Variants in NR3C1 observed in about 807,000 individuals in gnomAD.
NR3C1 encodes the protein nuclear receptor subfamily 3 group C member 1.
In NR3C1, 14 loss-of-function variants were observed where a neutral mutation model predicts 74.0. The ratio of observed to expected loss-of-function variants is 0.19; its 90% CI spans 0.12 to 0.30. The LOEUF (loss-of-function observed/expected upper bound fraction) is 0.30. Ranked by LOEUF, NR3C1 falls within the 10% of genes least tolerant of loss-of-function variation. The pLI, the probability that NR3C1 is intolerant of heterozygous loss-of-function variation, is 1.00. For synonymous variants in NR3C1, 308 were observed against 332.5 expected (o/e 0.93, Z 0.80); for missense variants, 695 against 909.8 (o/e 0.76, Z 3.04).
At position 143,400,355 on chromosome 5, in the gene NR3C1, T is replaced by C. The variant is rs374579557; in HGVS notation, c.485A>G (p.Asp162Gly). 6.2e-7 allele frequency: 1 copy of C among 1,614,004 alleles called. No homozygotes were observed. The highest frequency in any genetic ancestry group is 8.5e-7 in the Non-Finnish European group (1 of 1,180,016). The change falls in exon 2 of 9, where the codon GAT (aspartate) becomes GGT (glycine). Residue 162 changes from aspartate (D) to glycine (G), a missense_variant. This residue lies in a region of NR3C1 where 497 missense variants were observed against 489.5 expected (regional missense o/e 1.02). Transcript: ENST00000394464. ...TEKEFPKTHS[D>G]VSSEQQHLKG... ...CAAATGTTGCTGTTCTGAAGATACA[T>C]CAGAGTGAGTTTTTGGAAACTCCTT...
intron 1 of NR3C1, among the ~76,000 whole-genome samples, chr5:143,425,278 A>G (rs1176352247): frequency 6.6e-6 from 1 of 152,202 alleles, no homozygotes; most frequent in East Asian, 1.9e-4. Flanking sequence ...GAAAGCATGT[A>G]TGTACATCAG....
intron 3 of NR3C1, among the ~76,000 whole-genome samples, chr5:143,312,961 T>C (rs1409689755): frequency 6.6e-6 from 1 of 152,202 alleles, no homozygotes; most frequent in South Asian, 2.1e-4. Context: ...CTTGTAATCT[T>C]TGTGGTGTAA....
chr5:143,370,640 G>A (rs553054060), intron 2 of NR3C1, among the ~76,000 whole-genome samples: 3 of 152,260 alleles, frequency 2.0e-5, no homozygotes, highest in South Asian at 2.1e-4. Context: ...TAGCAAGGTC[G>A]GCATTTAGCT....
At chr5:143,407,105 G>C (rs1181188101), upstream of NR3C1, 1 of 152,210 alleles carries the variant, frequency 6.6e-6, no homozygotes, top group Non-Finnish European at 1.5e-5. Flanking sequence ...TAGAAGCAGA[G>C]GTGGAAATGA....
intron 2 of NR3C1, among the ~76,000 whole-genome samples, chr5:143,370,081 G>T (rs1191121223): frequency 6.6e-6 from 1 of 152,140 alleles, no homozygotes; most frequent in Non-Finnish European, 1.5e-5. Context: ...CAGTCCTTTA[G>T]TTTAAGATAT....
At chr5:143,339,739 C>T (rs1827840935) in intron 2 of NR3C1, among the ~76,000 whole-genome samples, 1 of 152,034 alleles carries the variant, frequency 6.6e-6, no homozygotes. Context: ...GGGCTCCGGA[C>T]TAAAGGATTC....
chr5:143,340,930 T>C (rs1233378491), intron 2 of NR3C1, among the ~76,000 whole-genome samples: 5 of 152,146 alleles, frequency 3.3e-5, no homozygotes, highest in African/African-American at 4.8e-5. Context: ...ACCCAGATAT[T>C]AGGCCCAGTA....
At chr5:143,295,712 T>C (rs1817025929) in intron 6 of NR3C1, 122 bp from the exon 7 acceptor site, 2 of 771,930 alleles carry the variant, frequency 2.6e-6, no homozygotes, top group Admixed American at 3.7e-5. Flanking sequence ...TGCAATAATA[T>C]TATTGCTAAT....
At chr5:143,301,855 T>C (rs1462324406) in intron 4 of NR3C1, among the ~76,000 whole-genome samples, 4 of 152,092 alleles carry the variant, frequency 2.6e-5, no homozygotes, top group South Asian at 2.1e-4. Flanking sequence ...AGGACAGATA[T>C]GGTGGTGGGA....
intron 2 of NR3C1, among the ~76,000 whole-genome samples, chr5:143,384,385 G>A (rs1273830824): frequency 2.0e-5 from 3 of 152,108 alleles, no homozygotes; most frequent in Admixed American, 6.5e-5. Flanking sequence ...ATAGTCCCCG[G>A]AAGTCTTAAC....
At chr5:143,334,239 G>A (rs1332840526) in intron 2 of NR3C1, among the ~76,000 whole-genome samples, 3 of 151,954 alleles carry the variant, frequency 2.0e-5, no homozygotes, top group Non-Finnish European at 2.9e-5. Flanking sequence ...AAAATTAGCC[G>A]GGCATGGTGG....
intron 2 of NR3C1, among the ~76,000 whole-genome samples, chr5:143,374,847 G>C (rs925478267): frequency 1.3e-5 from 2 of 152,100 alleles, no homozygotes; most frequent in Non-Finnish European, 2.9e-5. Flanking sequence ...TTTAAGAGAA[G>C]TAATTTGTAT....
At chr5:143,337,667 T>A (rs1827404671) in intron 2 of NR3C1, among the ~76,000 whole-genome samples, 1 of 152,302 alleles carries the variant, frequency 6.6e-6, no homozygotes, top group South Asian at 2.1e-4. Context: ...AAACGACAGC[T>A]GTACACTACA....
At chr5:143,293,417 C>A (rs1816393616) in intron 7 of NR3C1, among the ~76,000 whole-genome samples, 1 of 152,142 alleles carries the variant, frequency 6.6e-6, no homozygotes, top group African/African-American at 2.4e-5. Context: ...ACATTGGGTA[C>A]AGTGTACACT....
At chr5:143,329,563 AT>A (rs1324218271) in intron 2 of NR3C1, among the ~76,000 whole-genome samples, 1 of 152,126 alleles carries the variant, frequency 6.6e-6, no homozygotes, top group Admixed American at 6.5e-5. Context: ...CTGCTGCTTT[AT>A]TTTTTTGCAC....
rs775794706 is a variant in NR3C1, at chr5:143,314,183, G to T, written c.1185-15C>A. The T allele has an allele frequency of 3.7e-6, 6 of 1,613,000 alleles. No homozygotes were observed. The South Asian group carries it at 5.5e-5, about 15-fold the overall frequency. ...TCATGCTGGGGCTAAAGAAGGGGAA[G>T]AACAGTGTTATGATTTAACTGTCAA... On this transcript the variant is annotated splice_polypyrimidine_tract_variant and intron_variant, in intron 2 of 8. Coordinates refer to ENST00000394464, the MANE Select transcript of NR3C1 (RefSeq NM_000176.3).
chr5:143,380,408 T>A (rs190596514), intron 2 of NR3C1, among the ~76,000 whole-genome samples: 3 of 152,126 alleles, frequency 2.0e-5, no homozygotes, highest in African/African-American at 4.8e-5. Flanking sequence ...CATTTTTTTT[T>A]AAAGTCTTTA....
At chr5:143,304,272 T>C (rs1819109150) in intron 4 of NR3C1, among the ~76,000 whole-genome samples, 1 of 152,056 alleles carries the variant, frequency 6.6e-6, no homozygotes, top group East Asian at 1.9e-4. Context: ...ACCAGTAATG[T>C]TCAAGCTGAG....
Position 143,300,824 on chromosome 5 carries a change from G to A in NR3C1, c.1469-61C>T, listed in dbSNP as rs994939831. 6 of 1,410,754 alleles carry A rather than the reference G, an allele frequency of 4.3e-6. No homozygotes were observed. The highest frequency in any genetic ancestry group is 4.9e-6 in the Non-Finnish European group (5 of 1,020,412). The allele number at this position is 1,410,754 out of a possible 1,614,324, so 87.4% of individuals were successfully genotyped here. ...GTAATGGGAAGGTCTGCGCTACACA[G>A]TTTATTCAAGAAGTATTTTTACTTT... On this transcript the variant is annotated intron_variant, in intron 4 of 8. Transcript: ENST00000394464. The surrounding 1 kb of genome is among the most constrained non-coding windows in gnomAD (Gnocchi z 5.2).
Sources: gnomAD v4.1 joint callset for allele counts (sites outside exome capture counted in the v4.1 genomes callset) on GRCh38, gnomAD v4.1.1 for gene constraint, gnomAD v4.1.1 regional missense constraint, Gnocchi (gnomAD v3.1) non-coding constraint, MANE v1.5 for transcripts, NCBI Gene and HGNC (gene_info 2026-07-23, HGNC 2026-07-21) for gene names.